The following CSF2RA variants were observed in gnomAD, a reference collection of about 807,000 sequenced individuals.
CSF2RA encodes colony stimulating factor 2 receptor subunit alpha, also known as granulocyte-macrophage colony-stimulating factor receptor subunit alpha.
In CSF2RA, 42 loss-of-function variants were observed where a neutral mutation model predicts 51.6. The ratio of observed to expected loss-of-function variants is 0.81; its 90% CI spans 0.64 to 1.05. The LOEUF (loss-of-function observed/expected upper bound fraction) is 1.05. Among genes scored for constraint, CSF2RA ranks in the 50% least tolerant of loss-of-function variants. The pLI is 0.00. For synonymous variants in CSF2RA, 222 were observed against 193.0 expected (o/e 1.15, Z -1.24); for missense variants, 530 against 501.1 (o/e 1.06, Z -0.55).
At chrX:1,279,115 C>G (rs1304805931) in intron 2 of CSF2RA, among the ~76,000 whole-genome samples, 1 of 150,930 alleles carries the variant, frequency 6.6e-6, no homozygotes, top group African/African-American at 2.4e-5. Context: ...CTTTGGGAGG[C>G]CGAGGCAGGG....
At chrX:1,306,963 A>G (rs1304858451) in intron 12 of CSF2RA, among the ~76,000 whole-genome samples, 4 of 151,430 alleles carry the variant, frequency 2.6e-5, no homozygotes, top group Non-Finnish European at 4.4e-5. Flanking sequence ...GATAAAAGAC[A>G]CACAGAGACA....
Position 1,300,527 on chromosome X carries a change from T to C in CSF2RA, c.847T>C (p.Phe283Leu). 1 of 1,613,954 alleles carries C rather than the reference T, an allele frequency of 6.2e-7. No homozygotes were observed. The highest frequency in any genetic ancestry group is 8.5e-7 in the Non-Finnish European group (1 of 1,179,848). ...TGGTGATTTGGAAAATAGATACAACTTTCCAAGCTCTGAGCCCAGAGCAAA... is the reference window on the plus strand; with the variant it reads ...TGGTGATTTGGAAAATAGATACAACCTTCCAAGCTCTGAGCCCAGAGCAAA... ...VSGDLENRYN[F>L]PSSEPRAKHS... The change falls in exon 10 of 13, where the codon TTT (phenylalanine) becomes CTT (leucine). Residue 283 changes from phenylalanine to leucine, a missense_variant. Transcript: ENST00000381529.
chrX:1,280,880 G>GCTCCTTCTCCTCCTCCTCCTCCTC (rs2089852922), intron 2 of CSF2RA, among the ~76,000 whole-genome samples: 6 of 42,190 alleles, frequency 1.4e-4, no homozygotes, highest in Admixed American at 2.2e-4. Flanking sequence ...TCCTTCTCCT[G>GCTCCTTCTCCTCCTCCTCCTCCTC]CTCCTTCTCC....
chrX:1,271,026 T>TAA, intron 1 of CSF2RA, among the ~76,000 whole-genome samples: 1 of 150,890 alleles, frequency 6.6e-6, no homozygotes, highest in African/African-American at 2.4e-5. Flanking sequence ...CCCTCGTGTA[T>TAA]AAAAAAAAGA....
At chrX:1,304,066 C>T (rs779230985) in intron 11 of CSF2RA, 47 bp downstream of exon 11, 69 of 1,481,708 alleles carry the variant, frequency 4.7e-5, no homozygotes, top group African/African-American at 1.3e-4. Flanking sequence ...CAGGCCAGGC[C>T]GGGAGGAAAG....
chrX:1,320,257 A>G, the CSF2RA span, among the ~76,000 whole-genome samples: 1 of 151,116 alleles, frequency 6.6e-6, no homozygotes, highest in Non-Finnish European at 1.5e-5. Context: ...CGAACTCCTG[A>G]CCTCAGGTGA....
Position 1,303,907 on chromosome X carries a change from CTG to C in CSF2RA, c.947-10_947-9del. The C allele has an allele frequency of 6.2e-7, 1 of 1,603,544 alleles. No homozygotes were observed. Among genetic ancestry groups the C allele is most frequent in the Non-Finnish European group, 8.5e-7 (1 of 1,170,446 alleles). On this transcript the variant is annotated splice_polypyrimidine_tract_variant and intron_variant, in intron 10 of 12. Transcript: ENST00000381529. ...TCAACGATTCACCGCAGACGCAAAC[CTG>C]TGTGTCTCTCCAGGTTCTGACGACG...
chrX:1,319,688 TTACAGCCA>T, the CSF2RA span, among the ~76,000 whole-genome samples: 1 of 147,694 alleles, frequency 6.8e-6, no homozygotes, highest in African/African-American at 2.5e-5. Flanking sequence ...AGTTCTGGAA[TTACAGCCA>T]TTCTTCACGC....
chrX:1,283,834 G>T (rs2090334175), intron 3 of CSF2RA, among the ~76,000 whole-genome samples: 1 of 151,948 alleles, frequency 6.6e-6, no homozygotes, highest in African/African-American at 2.4e-5. Flanking sequence ...CTCCCAAAGT[G>T]CTAGGATTAC....
At chrX:1,299,448 G>C (rs763872479) in intron 9 of CSF2RA, among the ~76,000 whole-genome samples, 1 of 152,020 alleles carries the variant, frequency 6.6e-6, no homozygotes. Flanking sequence ...TTTTTGAGAC[G>C]GAGTCTCGCT....
At chrX:1,295,317 G>A (rs2054648906) in intron 8 of CSF2RA, 110 bp from the exon 9 acceptor site, 16 of 1,388,848 alleles carry the variant, frequency 1.2e-5, no homozygotes, top group Non-Finnish European at 1.6e-5. Context: ...CACTCCGCAG[G>A]GACTCCTTCC....
intron 9 of CSF2RA, among the ~76,000 whole-genome samples, chrX:1,297,816 GTGGAACCCTAC>G (rs2092069318): frequency 7.8e-6 from 1 of 128,888 alleles, no homozygotes; most frequent in African/African-American, 2.9e-5. Flanking sequence ...ATGACCCCTG[GTGGAACCCTAC>G]AGTCCCCTAC....
chrX:1,302,434 A>G (rs2083084883), intron 10 of CSF2RA, among the ~76,000 whole-genome samples: 2 of 152,292 alleles, frequency 1.3e-5, no homozygotes, highest in South Asian at 2.1e-4. Context: ...AATGGGGTAC[A>G]GGGATGATCA....
chrX:1,274,358 AC>A (rs2088855992), intron 1 of CSF2RA, among the ~76,000 whole-genome samples: 1 of 151,196 alleles, frequency 6.6e-6, no homozygotes. Context: ...TTGTTCTGTC[AC>A]CCAGGCTGCA....
At chrX:1,294,976 C>A (rs1426368458) in intron 8 of CSF2RA, among the ~76,000 whole-genome samples, 1 of 147,118 alleles carries the variant, frequency 6.8e-6, no homozygotes, top group African/African-American at 2.5e-5. Context: ...GACTGCCTCA[C>A]GTCCACCTCG....
At chrX:1,323,116 G>A in the CSF2RA span, among the ~76,000 whole-genome samples, 2,936 of 121,806 alleles carry the variant, frequency 0.024, 47 homozygotes, top group African/African-American at 0.043. Flanking sequence ...GCGACAGAGC[G>A]AGATTCCGTC....
In CSF2RA at chrX:1,290,274, T is replaced by G. The variant is rs1331369787; in HGVS notation, c.474-63T>G. The G allele has an allele frequency of 4.5e-6, 6 of 1,325,520 alleles. No individual in the cohort carries two copies. The East Asian group carries it at 1.2e-4, about 25-fold the overall frequency. 82.1% of individuals were successfully genotyped at this position (1,325,520 alleles called of 1,614,324 possible). On this transcript the variant is annotated intron_variant, in intron 6 of 12. Coordinates refer to ENST00000381529, the MANE Select transcript of CSF2RA (RefSeq NM_172245.4). ...TGTTTTGTGTTTGTTTTTGTTTTGT[T>G]TTGTGTTTTTGTGTTTTGTTTTGTT...
intron 2 of CSF2RA, among the ~76,000 whole-genome samples, chrX:1,275,546 A>G (rs1200246359): frequency 6.6e-6 from 1 of 150,984 alleles, no homozygotes; most frequent in Admixed American, 6.6e-5. Flanking sequence ...TACTTATTTT[A>G]CTTTATTTTA....
chrX:1,321,056 C>A, the CSF2RA span, among the ~76,000 whole-genome samples: 215 of 151,436 alleles, frequency 1.4e-3, 1 homozygote, highest in South Asian at 2.9e-3. Context: ...GTCAGTCAGG[C>A]TGGTCTTGAA....
Sources: gnomAD v4.1 joint callset for allele counts (sites outside exome capture counted in the v4.1 genomes callset) on GRCh38, gnomAD v4.1.1 for gene constraint, MANE v1.5 for transcripts, NCBI Gene and HGNC (gene_info 2026-07-23, HGNC 2026-07-21) for gene names.